Variants in GINS4 observed in about 807,000 individuals in gnomAD.
GINS4 encodes the protein DNA replication complex GINS protein SLD5.
A neutral mutation model predicts 31.1 loss-of-function variants in GINS4; 20 were observed. That is an observed-to-expected ratio of 0.64 (90% CI 0.45 to 0.93). The LOEUF is 0.93. Among genes scored for constraint, GINS4 ranks in the 40% least tolerant of loss-of-function variants. The probability of loss-of-function intolerance (pLI) is 0.00; values close to 1 mark genes in which losing one functional copy is unlikely to be tolerated. For missense variants in GINS4, 245 were observed against 273.9 expected, an observed-to-expected ratio of 0.89 and a Z score of 0.75; for synonymous variants, 85 against 97.9, an observed-to-expected ratio of 0.87 and a Z score of 0.78.
chr8:41,531,117 C>CA lies in GINS4; in HGVS notation c.96+824dup, dbSNP rs542045106. Among the ~76,000 whole-genome samples, 16 of 152,248 alleles carry CA rather than the reference C, an allele frequency of 1.1e-4. No individual in the cohort carries two copies. In the East Asian group the frequency reaches 3.1e-3, roughly 29 times the overall value. On this transcript the variant is annotated intron_variant, in intron 2 of 7. Coordinates refer to ENST00000276533, the MANE Select transcript of GINS4 (RefSeq NM_032336.3). ...GTAAAATCCCGTCTCTACTAAAAAA[C>CA]AAAAATTAGCCGGATGTGGTGGCGC... is the stretch of plus-strand genomic sequence containing the variant.
chr8:41,539,339 A>C (rs1464680540), intron 4 of GINS4, among the ~76,000 whole-genome samples: 3 of 150,932 alleles, frequency 2.0e-5, no homozygotes, highest in Non-Finnish European at 2.9e-5. Flanking sequence ...AAAAAAAAAA[A>C]AAAACCTTAT....
chr8:41,537,551 T>C (rs777439382), intron 4 of GINS4: 3 of 386,864 alleles, frequency 7.8e-6, no homozygotes, highest in Non-Finnish European at 1.4e-5. Context: ...GGTTCCCCCT[T>C]GCGTTACAGC....
chr8:41,541,173 G>T (rs142633728), intron 6 of GINS4, among the ~76,000 whole-genome samples: 1 of 151,986 alleles, frequency 6.6e-6, no homozygotes, highest in Non-Finnish European at 1.5e-5. Context: ...GGGCTCAAGC[G>T]ATCCTCCCAC....
rs182379230 is a variant in GINS4 at position 41,540,265 on chromosome 8, C to T, written c.484+261C>T. 5.7e-3 allele frequency: 2,933 copies of T among 513,004 alleles called. 20 individuals are homozygous for T. The highest frequency in any genetic ancestry group is 7.9e-3 in the Non-Finnish European group (2,242 of 284,326). 31.8% of individuals were successfully genotyped at this position (513,004 alleles called of 1,614,324 possible). ...GCTTGTAGACTCGGGCATGGAGCCG[C>T]GTTCGCCTTCAGTAGCCATCTGCTG... On this transcript the variant is annotated intron_variant, in intron 6 of 7. Transcript: ENST00000276533.
At position 41,542,154 on chromosome 8, in the gene GINS4, C is replaced by T. The variant is rs566816336; in HGVS notation, c.*67C>T. The T allele has an allele frequency of 1.9e-4, 230 of 1,221,482 alleles. 1 individual carries two copies. The African/African-American group carries it at 2.8e-3, about 15-fold the overall frequency. The allele number at this position is 1,221,482 out of a possible 1,614,324, so 75.7% of individuals were successfully genotyped here. The stretch of plus-strand genomic sequence containing the variant: ...ATCCCAGCACTTTGGGAGGCCGAGG[C>T]GGGCGGATCATGAGGTCAGGAGTTC... On this transcript the variant is annotated 3_prime_UTR_variant, in exon 8 of 8. Coordinates refer to ENST00000276533, the MANE Select transcript of GINS4 (RefSeq NM_032336.3).
chr8:41,539,564 T>A (rs1806799691), intron 4 of GINS4, 114 bp from the exon 5 acceptor site: 3 of 761,180 alleles, frequency 3.9e-6, no homozygotes, highest in Non-Finnish European at 6.9e-6. Flanking sequence ...CTATCCCACC[T>A]CCAGGCCACA....
Position 41,543,385 on chromosome 8 carries a change from A to G in GINS4, c.*1298A>G, listed in dbSNP as rs369121109. ...CCATCTGGCTGTCCTTGGCCAAGGC[A>G]CTGTTAACGGAGTGACGTTAACCAT... is the stretch of plus-strand genomic sequence containing the variant. On this transcript the variant is annotated 3_prime_UTR_variant, in exon 8 of 8. Coordinates refer to ENST00000276533, the MANE Select transcript of GINS4 (RefSeq NM_032336.3). The G allele has an allele frequency of 1.3e-5, 2 of 152,312 alleles. No individual in the cohort carries two copies. The highest frequency in any genetic ancestry group is 6.5e-5 in the Admixed American group (1 of 15,300). The allele number at this position is 152,312 out of a possible 1,614,324, so 9.4% of individuals were successfully genotyped here.
intron 5 of GINS4, 54 bp from the exon 6 acceptor site, chr8:41,539,862 C>T (rs2150461099): frequency 6.3e-7 from 1 of 1,590,614 alleles, no homozygotes; most frequent in Non-Finnish European, 8.6e-7. Flanking sequence ...GCCTGCTAAC[C>T]TTGGACGTCC....
At chr8:41,540,377 C>G (rs1278144986) in intron 6 of GINS4, 2 of 266,902 alleles carry the variant, frequency 7.5e-6, no homozygotes, top group African/African-American at 2.3e-5. Context: ...CTGGCCATCT[C>G]TTCGTCACAG....
chr8:41,542,146 G>C lies in GINS4; in HGVS notation c.*59G>C, dbSNP rs1806853409. The C allele has an allele frequency of 4.6e-6, 6 of 1,292,600 alleles. No individual in the cohort carries two copies. Among genetic ancestry groups the C allele is most frequent in the Admixed American group, 3.4e-5 (2 of 59,558 alleles). 80.1% of individuals were successfully genotyped at this position (1,292,600 alleles called of 1,614,324 possible). Reference sequence around the variant, plus strand: ...AGCCTGTAATCCCAGCACTTTGGGAGGCCGAGGCGGGCGGATCATGAGGTC... The same window carrying C: ...AGCCTGTAATCCCAGCACTTTGGGACGCCGAGGCGGGCGGATCATGAGGTC... On this transcript the variant is annotated 3_prime_UTR_variant, in exon 8 of 8. Coordinates refer to ENST00000276533, the MANE Select transcript of GINS4 (RefSeq NM_032336.3).
intron 2 of GINS4, among the ~76,000 whole-genome samples, chr8:41,532,247 C>G (rs761555922): frequency 6.6e-6 from 1 of 150,972 alleles, no homozygotes; most frequent in East Asian, 1.9e-4. Context: ...CAGACTGATA[C>G]CTCAGAGAAG....
At chr8:41,531,272 G>T (rs138873069) in intron 2 of GINS4, among the ~76,000 whole-genome samples, 3 of 152,076 alleles carry the variant, frequency 2.0e-5, no homozygotes, top group African/African-American at 7.2e-5. Flanking sequence ...GTGAAACTCC[G>T]TCTCAAAAAA....
intron 4 of GINS4, 76 bp downstream of exon 4, chr8:41,537,369 G>A: frequency 9.0e-7 from 1 of 1,113,664 alleles, no homozygotes; most frequent in Non-Finnish European, 1.3e-6. Context: ...GGGAAAACTT[G>A]GGCTGGGGCC....
At chr8:41,535,629 C>A (rs1008239600) in intron 2 of GINS4, among the ~76,000 whole-genome samples, 4 of 152,150 alleles carry the variant, frequency 2.6e-5, no homozygotes, top group African/African-American at 7.2e-5. Flanking sequence ...TAATTCTGAG[C>A]TATGCTAAAA....
At chr8:41,531,775 G>C (rs1327695197) in intron 2 of GINS4, among the ~76,000 whole-genome samples, 6 of 152,088 alleles carry the variant, frequency 3.9e-5, no homozygotes, top group Non-Finnish European at 8.8e-5. Flanking sequence ...GGTTCGTTAG[G>C]AAAGGGTTCA....
chr8:41,533,483 C>T (rs1269002564), intron 2 of GINS4, among the ~76,000 whole-genome samples: 1 of 152,194 alleles, frequency 6.6e-6, no homozygotes, highest in Non-Finnish European at 1.5e-5. Flanking sequence ...AGTAACATCT[C>T]ATGCCTGATG....
rs1246669337 is a variant in GINS4 at position 41,542,385 on chromosome 8, A to T, written c.*298A>T. On this transcript the variant is annotated 3_prime_UTR_variant, in exon 8 of 8. Coordinates refer to ENST00000276533, the MANE Select transcript of GINS4 (RefSeq NM_032336.3). ...GGTGACAGTGAGACTTTGTCTCAAAAAAAAAAACAAAAAACAAAAAAAAAA... is the reference window on the plus strand; with the variant it reads ...GGTGACAGTGAGACTTTGTCTCAAATAAAAAAACAAAAAACAAAAAAAAAA... 1 of 390,806 alleles carries T rather than the reference A, an allele frequency of 2.6e-6. No homozygotes were observed. The highest frequency in any genetic ancestry group is 4.7e-6 in the Non-Finnish European group (1 of 211,740). 24.2% of individuals were successfully genotyped at this position (390,806 alleles called of 1,614,324 possible).
In GINS4 at chr8:41,540,060, AG is replaced by A; in HGVS notation, c.484+58del. 3 of 1,180,716 alleles carry A rather than the reference AG, an allele frequency of 2.5e-6. No homozygotes were observed. In the Admixed American group the frequency reaches 5.1e-5, roughly 20 times the overall value. The allele number at this position is 1,180,716 out of a possible 1,614,324, so 73.1% of individuals were successfully genotyped here. A position where few individuals can be genotyped will look rare whatever the true frequency, so the allele number is the denominator to read the frequency against. ...CACCCATCCTCAGGTGTCCCAGGGT[AG>A]GATCCTCTCTTCACTGTTTTTACCC... On this transcript the variant is annotated intron_variant, in intron 6 of 7. Transcript: ENST00000276533.
At chr8:41,532,338 T>C (rs142206128) in intron 2 of GINS4, among the ~76,000 whole-genome samples, 119 of 151,122 alleles carry the variant, frequency 7.9e-4, no homozygotes, top group African/African-American at 2.3e-3. Flanking sequence ...TCATGAGATA[T>C]CATCTCATAT....
Sources: gnomAD v4.1 joint callset for allele counts (sites outside exome capture counted in the v4.1 genomes callset) on GRCh38, gnomAD v4.1.1 for gene constraint, MANE v1.5 for transcripts, NCBI Gene and HGNC (gene_info 2026-07-23, HGNC 2026-07-21) for gene names.